The following MTUS2 variants were observed in gnomAD, a reference collection of about 807,000 sequenced individuals.
MTUS2 encodes microtubule associated scaffold protein 2, also known as microtubule-associated tumor suppressor candidate 2.
MTUS2 carries 40 observed loss-of-function variants against 114.1 expected under a neutral mutation model. That is an observed-to-expected ratio of 0.35 (90% CI 0.27 to 0.46). The LOEUF (loss-of-function observed/expected upper bound fraction) is 0.46, where lower values mean the gene tolerates loss of function less well. Ranked by LOEUF, MTUS2 falls within the 20% of genes least tolerant of loss-of-function variation. The probability of loss-of-function intolerance (pLI) is 1.00; values close to 1 mark genes in which losing one functional copy is unlikely to be tolerated. For missense variants in MTUS2, 1,679 were observed against 1,705.4 expected (o/e 0.98, Z 0.27); for synonymous variants, 688 against 672.0 (o/e 1.02, Z -0.37).
chr13:29,305,344 C>T (rs1401229435), intron 6 of MTUS2, among the ~76,000 whole-genome samples: 2 of 107,346 alleles, frequency 1.9e-5, no homozygotes, highest in East Asian at 4.7e-4. Context: ...TCAACAAATC[C>T]AGAAGCTAGT....
At chr13:29,149,782 A>G (rs921076880) in intron 5 of MTUS2, among the ~76,000 whole-genome samples, 4 of 152,256 alleles carry the variant, frequency 2.6e-5, no homozygotes, top group Admixed American at 2.6e-4. Context: ...TCCTTTCCCC[A>G]TTGCTTGTTT....
Position 29,496,426 on chromosome 13 carries a change from G to A in MTUS2, c.3580-812G>A, listed in dbSNP as rs908347015. On this transcript the variant is annotated intron_variant, in intron 12 of 15. Coordinates refer to ENST00000612955, the MANE Select transcript of MTUS2 (RefSeq NM_001033602.4). This position sits in a 1 kb window ranked among gnomAD's most constrained non-coding sequence, Gnocchi z 4.3. Reference sequence around the variant, plus strand: ...GACTGTGTGGGAGCCAGAGTGAAGCGGGAGTGAGAGGGAGCTGGCTGGAGG... The same window carrying A: ...GACTGTGTGGGAGCCAGAGTGAAGCAGGAGTGAGAGGGAGCTGGCTGGAGG... 14 of 153,572 alleles carry A rather than the reference G, an allele frequency of 9.1e-5. No individual in the cohort carries two copies. Among genetic ancestry groups the A allele is most frequent in the African/African-American group, 3.4e-4 (14 of 41,578 alleles). The allele number at this position is 153,572 out of a possible 1,614,324, so 9.5% of individuals were successfully genotyped here. A position where few individuals can be genotyped will look rare whatever the true frequency, so the allele number is the denominator to read the frequency against.
intron 9 of MTUS2, among the ~76,000 whole-genome samples, chr13:29,442,554 A>G (rs1877963561): frequency 1.3e-5 from 2 of 152,194 alleles, no homozygotes; most frequent in Non-Finnish European, 2.9e-5. Context: ...TCAGCTTTGC[A>G]AAGATATGAT....
chr13:29,362,050 C>A (rs1357267393), intron 8 of MTUS2, among the ~76,000 whole-genome samples: 2 of 152,198 alleles, frequency 1.3e-5, no homozygotes, highest in African/African-American at 4.8e-5. Context: ...TGTTCTCTTT[C>A]CCCCTGGCTG....
chr13:29,322,319 T>G (rs146804765), intron 6 of MTUS2, among the ~76,000 whole-genome samples: 86 of 152,106 alleles, frequency 5.7e-4, no homozygotes, highest in Non-Finnish European at 4.7e-4. Context: ...CAAAGCCAAG[T>G]GAAGGAAAAG....
intron 6 of MTUS2, among the ~76,000 whole-genome samples, chr13:29,297,298 A>C (rs1213009422): frequency 6.6e-6 from 1 of 152,234 alleles, no homozygotes; most frequent in Admixed American, 6.5e-5. Context: ...CAGGCATATA[A>C]ATAACAAAAA....
intron 5 of MTUS2, among the ~76,000 whole-genome samples, chr13:29,169,960 G>A (rs924426789): frequency 6.6e-6 from 1 of 152,180 alleles, no homozygotes; most frequent in African/African-American, 2.4e-5. Context: ...CCCATGACCT[G>A]TCATTGCCTG....
chr13:29,019,184 C>G (rs1208640874), intron 2 of MTUS2, among the ~76,000 whole-genome samples: 1 of 152,084 alleles, frequency 6.6e-6, no homozygotes, highest in Non-Finnish European at 1.5e-5. Context: ...TTATGATGCT[C>G]TCGTGGACAA....
chr13:29,045,095 A>T (rs1334145974), intron 4 of MTUS2, among the ~76,000 whole-genome samples: 3 of 152,142 alleles, frequency 2.0e-5, no homozygotes, highest in African/African-American at 7.2e-5. Flanking sequence ...TAATAAACTT[A>T]CTTTATTAGG....
chr13:29,344,511 C>T (rs998207510), intron 7 of MTUS2, among the ~76,000 whole-genome samples: 4 of 152,038 alleles, frequency 2.6e-5, no homozygotes, highest in Non-Finnish European at 4.4e-5. Flanking sequence ...TGTCTTTTTC[C>T]ACCCCTCTAC....
At chr13:29,217,743 T>A (rs1041200343) in intron 5 of MTUS2, among the ~76,000 whole-genome samples, 3 of 152,262 alleles carry the variant, frequency 2.0e-5, no homozygotes, top group Non-Finnish European at 4.4e-5. Context: ...TTTTCTTTAA[T>A]GGAGTCAGTC....
At chr13:28,872,849 A>C (rs1013895439) in intron 2 of MTUS2, among the ~76,000 whole-genome samples, 8 of 152,190 alleles carry the variant, frequency 5.3e-5, no homozygotes, top group Non-Finnish European at 8.8e-5. Flanking sequence ...CCAAGGAGAG[A>C]ACTCTGGGGC....
chr13:29,124,657 A>G (rs538056177), intron 5 of MTUS2, among the ~76,000 whole-genome samples: 1 of 152,354 alleles, frequency 6.6e-6, no homozygotes, highest in Admixed American at 6.5e-5. Flanking sequence ...ATTATTCACA[A>G]CAGTCAAGAG....
chr13:28,845,021 T>C (rs1462166986), intron 2 of MTUS2, among the ~76,000 whole-genome samples: 1 of 152,196 alleles, frequency 6.6e-6, no homozygotes, highest in East Asian at 1.9e-4. Flanking sequence ...GATGGTGTGA[T>C]CATAGCTCAC....
chr13:28,834,406 G>C (rs997372968), intron 1 of MTUS2, among the ~76,000 whole-genome samples: 3 of 152,084 alleles, frequency 2.0e-5, no homozygotes, highest in African/African-American at 7.2e-5. Flanking sequence ...GTTTTCAAAA[G>C]AGTGACAAGA....
chr13:29,434,754 A>G (rs1314917470), intron 8 of MTUS2, among the ~76,000 whole-genome samples: 2 of 152,218 alleles, frequency 1.3e-5, no homozygotes, highest in African/African-American at 4.8e-5. Flanking sequence ...ACGCCCATTG[A>G]CCACACATGT....
intron 9 of MTUS2, among the ~76,000 whole-genome samples, chr13:29,460,012 G>T (rs963138228): frequency 6.6e-6 from 1 of 152,156 alleles, no homozygotes; most frequent in Non-Finnish European, 1.5e-5. Context: ...GATGCTTGCA[G>T]ACCACAGGTA....
chr13:29,334,218 A>ATTATTAT (rs1462398114), intron 7 of MTUS2, among the ~76,000 whole-genome samples: 1 of 152,060 alleles, frequency 6.6e-6, no homozygotes, highest in Non-Finnish European at 1.5e-5. Flanking sequence ...TAAGGTTAAT[A>ATTATTAT]TTATTATGTG....
At chr13:29,064,739 T>C (rs1004381011) in intron 4 of MTUS2, among the ~76,000 whole-genome samples, 1 of 152,156 alleles carries the variant, frequency 6.6e-6, no homozygotes, top group African/African-American at 2.4e-5. Context: ...GTACTAAGCC[T>C]AATACCCTAC....
Sources: allele counts gnomAD v4.1 joint callset (sites outside exome capture counted in the v4.1 genomes callset), GRCh38; gene constraint gnomAD v4.1.1; non-coding constraint Gnocchi (gnomAD v3.1); transcripts MANE v1.5; gene names NCBI Gene and HGNC (gene_info 2026-07-23, HGNC 2026-07-21).